The following ZMYM4 variants were observed in gnomAD, a reference collection of about 807,000 sequenced individuals.
ZMYM4 encodes zinc finger MYM-type protein 4.
Under a neutral mutation model 183.2 loss-of-function variants are expected in ZMYM4, and 31 were observed. The observed-to-expected ratio is 0.17, with a 90% confidence interval of 0.13 to 0.23. ZMYM4 has a LOEUF of 0.23. Among genes scored for constraint, ZMYM4 ranks in the 10% least tolerant of loss-of-function variants. ZMYM4 has a pLI of 1.00. For synonymous variants in ZMYM4, 592 were observed against 631.2 expected (o/e 0.94, Z 0.93); for missense variants, 1,273 against 1,840.3 (o/e 0.69, Z 5.64).
chr1:35,296,362 C>T (rs772184094), intron 1 of ZMYM4, among the ~76,000 whole-genome samples: 1 of 149,958 alleles, frequency 6.7e-6, no homozygotes, highest in Non-Finnish European at 1.5e-5. Flanking sequence ...CTAGCGATAC[C>T]TCCATCTACA....
chr1:35,280,126 CTT>C (rs1557897907), intron 1 of ZMYM4, among the ~76,000 whole-genome samples: 2 of 149,516 alleles, frequency 1.3e-5, no homozygotes, highest in African/African-American at 4.9e-5. Flanking sequence ...TCTTTTCTTT[CTT>C]TGTCTCTCTC....
At chr1:35,339,679 A>G (rs1040881680) in intron 2 of ZMYM4, among the ~76,000 whole-genome samples, 2 of 152,176 alleles carry the variant, frequency 1.3e-5, no homozygotes, top group Non-Finnish European at 1.5e-5. Flanking sequence ...CTAGTGCCCC[A>G]TGGATATGGA....
At chr1:35,391,964 C>T (rs1644714552) in intron 15 of ZMYM4, among the ~76,000 whole-genome samples, 2 of 152,048 alleles carry the variant, frequency 1.3e-5, no homozygotes, top group African/African-American at 4.8e-5. Flanking sequence ...TCGCTTGAAC[C>T]CGGGAGGTGG....
intron 1 of ZMYM4, among the ~76,000 whole-genome samples, chr1:35,296,647 G>T (rs116028720): frequency 6.6e-6 from 1 of 152,038 alleles, no homozygotes; most frequent in Admixed American, 6.6e-5. Flanking sequence ...ACGTCCTCCT[G>T]TAGGGCATCT....
At chr1:35,363,139 C>G (rs1243934131) in intron 5 of ZMYM4, among the ~76,000 whole-genome samples, 1 of 152,190 alleles carries the variant, frequency 6.6e-6, no homozygotes, top group African/African-American at 2.4e-5. Context: ...CCACTGCCCT[C>G]CGGCTTGGAT....
Position 35,389,055 on chromosome 1 carries a change from G to A in ZMYM4, c.2409G>A (p.Met803Ile). ...KVEEFCCEECMSKYTVLFYQM... is the reference protein window; with the variant it reads ...KVEEFCCEECISKYTVLFYQM... ...AAGAGTTCTGTTGTGAAGAATGCATGTCCAAATATACAGTTTTGTTCTATC... is the reference window on the plus strand; with the variant it reads ...AAGAGTTCTGTTGTGAAGAATGCATATCCAAATATACAGTTTTGTTCTATC... Residue 803 changes from methionine to isoleucine, a missense_variant, in exon 14 of 30, where the codon ATG becomes ATA. Physicochemically the swap from Met to Ile is conservative, Grantham distance 10. This residue lies in a region of ZMYM4 where 319 missense variants were observed against 518.1 expected (regional missense o/e 0.62). Coordinates refer to ENST00000314607, the MANE Select transcript of ZMYM4 (RefSeq NM_005095.3). This position sits in a 1 kb window ranked among gnomAD's most constrained non-coding sequence, Gnocchi z 4.0. 6.2e-7 allele frequency: 1 copy of A among 1,613,858 alleles called. No individual in the cohort carries two copies. The highest frequency in any genetic ancestry group is 1.3e-5 in the African/African-American group (1 of 75,024).
In ZMYM4 at chr1:35,405,026, C is replaced by T. The variant is rs776993384; in HGVS notation, c.3532C>T (p.Arg1178Trp). 1.5e-5 allele frequency: 23 copies of T among 1,585,488 alleles called. No individual in the cohort carries two copies. Among genetic ancestry groups the T allele is most frequent in the Non-Finnish European group, 1.9e-5 (22 of 1,167,180 alleles). The change falls in exon 24 of 30, where the codon CGG (arginine) becomes TGG (tryptophan). Residue 1178 changes from arginine to tryptophan, a missense_variant. Transcript: ENST00000314607. ...DGFPQPRRRG[R>W]KKSIVAVEPR... ...TAAATTTTTGGAATTCTTACAGGGA[C>T]GGAAGAAGTCTATAGTGGCTGTGGA... is the stretch of plus-strand genomic sequence containing the variant.
At chr1:35,322,512 A>C (rs1642326740) in intron 1 of ZMYM4, among the ~76,000 whole-genome samples, 1 of 151,998 alleles carries the variant, frequency 6.6e-6, no homozygotes, top group Non-Finnish European at 1.5e-5. Context: ...AATGGTTGTC[A>C]TCTTCTAGTT....
chr1:35,400,955 T>C (rs1644896719), intron 23 of ZMYM4, among the ~76,000 whole-genome samples: 1 of 152,250 alleles, frequency 6.6e-6, no homozygotes, highest in African/African-American at 2.4e-5. Flanking sequence ...TTGATTCCTT[T>C]TTATTTCTGA....
At chr1:35,351,713 G>T (rs909958260) in intron 2 of ZMYM4, 2 of 444,236 alleles carry the variant, frequency 4.5e-6, no homozygotes, top group Admixed American at 4.0e-5. Context: ...ACAAAAATGT[G>T]CAGGAGGAAT....
intron 25 of ZMYM4, 53 bp downstream of exon 25, chr1:35,405,521 A>T (rs1037186537): frequency 7.4e-7 from 1 of 1,345,804 alleles, no homozygotes; most frequent in Non-Finnish European, 1.0e-6. Flanking sequence ...ATTATTGCGG[A>T]TTTAAATTTG....
intron 5 of ZMYM4, 68 bp downstream of exon 5, chr1:35,361,857 A>T: frequency 1.3e-6 from 2 of 1,540,330 alleles, no homozygotes; most frequent in Non-Finnish European, 1.7e-6. Flanking sequence ...TTGAGAGAGG[A>T]AGTGCTTAAG....
chr1:35,381,415 G>A lies in ZMYM4; in HGVS notation c.1338G>A (p.Met446Ile). The A allele has an allele frequency of 1.2e-6, 2 of 1,608,476 alleles. No individual in the cohort carries two copies. The highest frequency in any genetic ancestry group is 1.7e-6 in the Non-Finnish European group (2 of 1,176,218). The change falls in exon 8 of 30, where the codon ATG becomes ATA. Residue 446 changes from methionine (M) to isoleucine (I), a missense_variant. Around this residue, in one of 6 missense-constraint regions of ZMYM4, gnomAD observed 319 missense variants for 518.1 expected, o/e 0.62. Coordinates refer to ENST00000314607, the MANE Select transcript of ZMYM4 (RefSeq NM_005095.3). ...ATAGTATTTCAACCAAATGCAGCAT[G>A]TGTCAGAAGAATGCTGTTGTAAGTT... is the stretch of plus-strand genomic sequence containing the variant. Reference protein sequence around the residue: ...NTNSISTKCSMCQKNAVIRHE... With the variant: ...NTNSISTKCSICQKNAVIRHE...
intron 1 of ZMYM4, among the ~76,000 whole-genome samples, chr1:35,299,792 CTTTT>C (rs945737288): frequency 1.3e-5 from 2 of 150,934 alleles, no homozygotes; most frequent in Non-Finnish European, 3.0e-5. Flanking sequence ...TTCTTTCTTT[CTTTT>C]CTTTTTTTTT....
Position 35,268,842 on chromosome 1 carries a change from C to G in ZMYM4, c.-205C>G, listed in dbSNP as rs936174744. 1.5e-5 allele frequency: 7 copies of G among 452,546 alleles called. No homozygotes were observed. The highest frequency in any genetic ancestry group is 2.5e-5 in the Non-Finnish European group (7 of 281,766). The allele number at this position is 452,546 out of a possible 1,614,324, so 28.0% of individuals were successfully genotyped here. ...CACCCCGTCCCCGGGCAGGCCCTCC[C>G]GCCCACGCGCGGACCCGTGGGATCT... is the stretch of plus-strand genomic sequence containing the variant. On this transcript the variant is annotated 5_prime_UTR_variant, in exon 1 of 30. Transcript: ENST00000314607.
In ZMYM4 at chr1:35,380,238, T is replaced by G. The variant is rs547996888; in HGVS notation, c.1182-1021T>G. ...CAGTTTATTAACTATTATGTGGATGTATACTCATGGGAGAGAGACATTGAT... is the reference window on the plus strand; with the variant it reads ...CAGTTTATTAACTATTATGTGGATGGATACTCATGGGAGAGAGACATTGAT... On this transcript the variant is annotated intron_variant, in intron 7 of 29. Transcript: ENST00000314607. Among the ~76,000 whole-genome samples, 13 of 152,336 alleles carry G rather than the reference T, an allele frequency of 8.5e-5. 2 individuals carry two copies. Among genetic ancestry groups the G allele is most frequent in the African/African-American group, 2.6e-4 (11 of 41,584 alleles).
intron 1 of ZMYM4, among the ~76,000 whole-genome samples, chr1:35,285,936 C>G (rs1640459966): frequency 6.6e-6 from 1 of 152,116 alleles, no homozygotes; most frequent in South Asian, 2.1e-4. Context: ...TTGCTTACAT[C>G]ATATTCAGTG....
chr1:35,346,937 T>C (rs1002163296), intron 2 of ZMYM4, among the ~76,000 whole-genome samples: 1 of 152,214 alleles, frequency 6.6e-6, no homozygotes, highest in Admixed American at 6.5e-5. Flanking sequence ...AAATGTAAAA[T>C]CATTCTTAGC....
Position 35,389,017 on chromosome 1 carries a change from G to A in ZMYM4, c.2371G>A (p.Gly791Arg). The A allele has an allele frequency of 6.2e-7, 1 of 1,614,118 alleles. No individual in the cohort carries two copies. ...TCCCAAATTGGTACAGAATAATTTA[G>A]GAGGGAAAGTGGAAGAGTTCTGTTG... ...TSPKLVQNNL[G>R]GKVEEFCCEE... The change falls in exon 14 of 30, where the codon GGA becomes AGA. Residue 791 changes from glycine (G) to arginine (R), a missense_variant. By Grantham distance (125) the Gly-to-Arg change is moderately radical. Transcript: ENST00000314607. The surrounding 1 kb of genome is among the most constrained non-coding windows in gnomAD (Gnocchi z 4.0).
Sources: allele counts gnomAD v4.1 joint callset (sites outside exome capture counted in the v4.1 genomes callset), GRCh38; gene constraint gnomAD v4.1.1; regional missense constraint gnomAD v4.1.1; non-coding constraint Gnocchi (gnomAD v3.1); transcripts MANE v1.5; gene names NCBI Gene and HGNC (gene_info 2026-07-23, HGNC 2026-07-21).